CACNA2D4: variants seen among roughly 807,000 people sequenced by gnomAD.
The protein encoded by CACNA2D4 is voltage-dependent calcium channel subunit alpha-2/delta-4.
Under a neutral mutation model 163.8 loss-of-function variants are expected in CACNA2D4, and 157 were observed. The ratio of observed to expected loss-of-function variants is 0.96; its 90% CI spans 0.84 to 1.09. The LOEUF (loss-of-function observed/expected upper bound fraction) is 1.09. Among genes scored for constraint, CACNA2D4 ranks in the 50% least tolerant of loss-of-function variants. The pLI is 0.00. For missense variants in CACNA2D4, 1,410 were observed against 1,479.9 expected, an observed-to-expected ratio of 0.95 and a Z score of 0.78; for synonymous variants, 598 against 586.9, an observed-to-expected ratio of 1.02 and a Z score of -0.27.
At chr12:1,846,266 C>G (rs1865139758) in intron 24 of CACNA2D4, among the ~76,000 whole-genome samples, 1 of 152,192 alleles carries the variant, frequency 6.6e-6, no homozygotes, top group Non-Finnish European at 1.5e-5. Flanking sequence ...ATTCTCCGAC[C>G]AACCCTCAAC....
intron 6 of CACNA2D4, among the ~76,000 whole-genome samples, chr12:1,893,534 A>G (rs1441503189): frequency 1.3e-5 from 2 of 152,098 alleles, no homozygotes; most frequent in Non-Finnish European, 2.9e-5. Flanking sequence ...ATATATAATA[A>G]TAATAATTGA....
At chr12:1,795,425 C>T (rs1180093780) in intron 36 of CACNA2D4, 44 bp from the exon 37 acceptor site, 1 of 1,559,008 alleles carries the variant, frequency 6.4e-7, no homozygotes, top group Admixed American at 1.8e-5. Flanking sequence ...GACCGGAGCC[C>T]ATTCTGCAGA....
In CACNA2D4 at chr12:1,886,330, C is replaced by T; in HGVS notation, c.886G>A (p.Val296Met). ...CCCTTCATACTGCCGCTCACGTCCA[C>T]CAAAATCACTATGTCCTTGGGAGAA... The part of the protein sequence containing the change: ...ATSPKDIVIL[V>M]DVSGSMKGLR... The change falls in exon 8 of 38, where the codon GTG (valine) becomes ATG (methionine). Residue 296 changes from valine to methionine, a missense_variant. By Grantham distance (21) the Val-to-Met change is conservative. Coordinates refer to ENST00000382722, the MANE Select transcript of CACNA2D4 (RefSeq NM_172364.5). 6.2e-7 allele frequency: 1 copy of T among 1,613,930 alleles called. No individual in the cohort carries two copies. The highest frequency in any genetic ancestry group is 8.5e-7 in the Non-Finnish European group (1 of 1,179,866).
In CACNA2D4 at chr12:1,834,713, G is replaced by A. The variant is rs553127546; in HGVS notation, c.2551+6026C>T. The A allele has an allele frequency of 6.3e-7, 1 of 1,592,018 alleles. No individual in the cohort carries two copies. The highest frequency in any genetic ancestry group is 8.5e-7 in the Non-Finnish European group (1 of 1,172,068). ...CGAGGACCAGAAGCAGATCTCTTCT[G>A]TGGCCTGAGCGCCCATCCCCACCCG... is the stretch of plus-strand genomic sequence containing the variant. On this transcript the variant is annotated intron_variant, in intron 26 of 37. Coordinates refer to ENST00000382722, the MANE Select transcript of CACNA2D4 (RefSeq NM_172364.5). The surrounding 1 kb of genome is among the most constrained non-coding windows in gnomAD (Gnocchi z 7.6).
At chr12:1,794,805 C>T (rs1863064967) in intron 37 of CACNA2D4, among the ~76,000 whole-genome samples, 2 of 152,140 alleles carry the variant, frequency 1.3e-5, no homozygotes, top group South Asian at 4.1e-4. Flanking sequence ...AATCTTTGGC[C>T]ACTGGTGATC....
chr12:1,860,001 C>T (rs1177626018), intron 19 of CACNA2D4, 144 bp downstream of exon 19: 2 of 650,752 alleles, frequency 3.1e-6, no homozygotes, highest in Non-Finnish European at 2.7e-6. Context: ...TTCTAGGCTA[C>T]ACTGGCAAAG....
chr12:1,908,126 G>A (rs1222603219), intron 4 of CACNA2D4, 89 bp from the exon 5 acceptor site: 3 of 1,368,606 alleles, frequency 2.2e-6, no homozygotes, highest in Non-Finnish European at 3.0e-6. Context: ...GTGAGAGGAC[G>A]AGAGGGCCGG....
rs758157 is a variant in CACNA2D4, at chr12:1,915,150, A to G, written c.228-215T>C. On this transcript the variant is annotated intron_variant, in intron 1 of 37. Coordinates refer to ENST00000382722, the MANE Select transcript of CACNA2D4 (RefSeq NM_172364.5). ...ATACCCCCCACACACATGCATATGC[A>G]TACACACACGTGACATATGCCCAGA... The G allele has an allele frequency of 0.92, 648,557 of 703,094 alleles. 299,451 individuals carry two copies. The highest frequency in any genetic ancestry group is 1 in the East Asian group (37,256 of 37,278). The allele number at this position is 703,094 out of a possible 1,614,324, so 43.6% of individuals were successfully genotyped here. A position where few individuals can be genotyped will look rare whatever the true frequency, so the allele number is the denominator to read the frequency against.
In CACNA2D4 at chr12:1,883,358, G is replaced by A. The variant is rs1191397319; in HGVS notation, c.1352-358C>T. Among the ~76,000 whole-genome samples the A allele has an allele frequency of 6.6e-6, 1 of 152,194 alleles. No individual in the cohort carries two copies. Among genetic ancestry groups the A allele is most frequent in the Non-Finnish European group, 1.5e-5 (1 of 68,030 alleles). ...AACATCTCATGAGAGTGCCCTGTAA[G>A]CTTTCTTCTGCCACTCTTAGGTCTC... On this transcript the variant is annotated intron_variant, in intron 12 of 37. Transcript: ENST00000382722. This position sits in a 1 kb window ranked among gnomAD's most constrained non-coding sequence, Gnocchi z 4.5.
At chr12:1,793,911 T>G (rs547383472) in intron 37 of CACNA2D4, among the ~76,000 whole-genome samples, 152 bp from the exon 38 acceptor site, 16 of 152,290 alleles carry the variant, frequency 1.1e-4, no homozygotes, top group African/African-American at 3.8e-4. Flanking sequence ...GGCCCCTACC[T>G]TTTGGGGGAA....
At chr12:1,895,109 A>G (rs1229160843) in intron 6 of CACNA2D4, among the ~76,000 whole-genome samples, 2 of 152,194 alleles carry the variant, frequency 1.3e-5, no homozygotes, top group African/African-American at 4.8e-5. Flanking sequence ...TAGCTGAGAA[A>G]GTAATCAAGA....
intron 34 of CACNA2D4, 145 bp from the exon 35 acceptor site, chr12:1,797,680 A>G: frequency 1.5e-6 from 1 of 667,336 alleles, no homozygotes; most frequent in South Asian, 1.5e-5. Flanking sequence ...GCGTGGGAGG[A>G]GCCGGGCGGG....
intron 6 of CACNA2D4, among the ~76,000 whole-genome samples, chr12:1,897,824 C>CA (rs1866442660): frequency 6.6e-6 from 1 of 151,978 alleles, no homozygotes; most frequent in African/African-American, 2.4e-5. Flanking sequence ...ATAAAATCAG[C>CA]AAAGATACAG....
At chr12:1,916,980 T>C (rs1866998717) in intron 1 of CACNA2D4, among the ~76,000 whole-genome samples, 1 of 152,144 alleles carries the variant, frequency 6.6e-6, no homozygotes, top group South Asian at 2.1e-4. Context: ...GACTTGGCCC[T>C]CAGCCCACTC....
Position 1,859,574 on chromosome 12 carries a change from C to T in CACNA2D4, c.1940+571G>A, listed in dbSNP as rs577979256. On this transcript the variant is annotated intron_variant, in intron 19 of 37. Coordinates refer to ENST00000382722, the MANE Select transcript of CACNA2D4 (RefSeq NM_172364.5). ...ATCTTCCAATTTGCTCTTCTCACTGCTTTAGGATCTTAACTGGATGATATC... is the reference window on the plus strand; with the variant it reads ...ATCTTCCAATTTGCTCTTCTCACTGTTTTAGGATCTTAACTGGATGATATC... Among the ~76,000 whole-genome samples, 26 of 152,330 alleles carry T rather than the reference C, an allele frequency of 1.7e-4. No individual in the cohort carries two copies. In the South Asian group the frequency reaches 5.4e-3, roughly 32 times the overall value.
intron 3 of CACNA2D4, 41 bp from the exon 4 acceptor site, chr12:1,910,006 G>A (rs776079666): frequency 8.4e-6 from 13 of 1,554,530 alleles, no homozygotes; most frequent in Non-Finnish European, 1.1e-5. Flanking sequence ...ATGGGTAAAA[G>A]GAGCCCAGTG....
chr12:1,885,888 A>T, intron 9 of CACNA2D4, 77 bp downstream of exon 9: 2 of 1,039,066 alleles, frequency 1.9e-6, no homozygotes, highest in Admixed American at 4.1e-5. Flanking sequence ...GGCCACAGAA[A>T]CAGTCTACAG....
intron 3 of CACNA2D4, among the ~76,000 whole-genome samples, chr12:1,910,700 C>A (rs1162539478): frequency 6.6e-6 from 1 of 152,186 alleles, no homozygotes; most frequent in East Asian, 1.9e-4. Flanking sequence ...ATGCATGGAA[C>A]AACACAGATG....
In CACNA2D4 at chr12:1,834,458, G is replaced by T; in HGVS notation, c.2551+6281C>A. ...GCCTGCTAAGCCCAAGCCCGGGGCT[G>T]AGCCGGAGCCGGAGCCCAGCACAGC... On this transcript the variant is annotated intron_variant, in intron 26 of 37. Coordinates refer to ENST00000382722, the MANE Select transcript of CACNA2D4 (RefSeq NM_172364.5). This position sits in a 1 kb window ranked among gnomAD's most constrained non-coding sequence, Gnocchi z 7.6. 1 of 1,610,908 alleles carries T rather than the reference G, an allele frequency of 6.2e-7. No individual in the cohort carries two copies.
Sources: allele counts gnomAD v4.1 joint callset (sites outside exome capture counted in the v4.1 genomes callset), GRCh38; gene constraint gnomAD v4.1.1; non-coding constraint Gnocchi (gnomAD v3.1); transcripts MANE v1.5; gene names NCBI Gene and HGNC (gene_info 2026-07-23, HGNC 2026-07-21).